Variants in PURA observed in about 807,000 individuals in gnomAD.
The protein encoded by PURA is transcriptional activator protein Pur-alpha.
In PURA, 2 loss-of-function variants were observed where a neutral mutation model predicts 23.1. That is an observed-to-expected ratio of 0.09 (90% CI 0.04 to 0.27). The LOEUF (loss-of-function observed/expected upper bound fraction) is 0.27, where lower values mean the gene tolerates loss of function less well. PURA is among the 10% of genes least tolerant of loss of function. The pLI is 1.00. For missense variants in PURA, 187 were observed against 449.7 expected, an observed-to-expected ratio of 0.42 and a Z score of 5.28; for synonymous variants, 254 against 205.9, an observed-to-expected ratio of 1.23 and a Z score of -2.00.
In PURA at chr5:140,114,246, G is replaced by A. The variant is rs2126748571; in HGVS notation, c.65G>A (p.Gly22Glu). 1 of 1,191,918 alleles carries A rather than the reference G, an allele frequency of 8.4e-7. No homozygotes were observed. The highest frequency in any genetic ancestry group is 4.2e-5 in the South Asian group (1 of 24,082). 73.8% of individuals were successfully genotyped at this position (1,191,918 alleles called of 1,614,324 possible). ...GCGCTGGGTTCGGGCGGCTCCCTGG[G>A]GCACCCCGGCTCGGGCTCAGGCTCC... The part of the protein sequence containing the change: ...GAALGSGGSL[G>E]HPGSGSGSGG... Residue 22 changes from glycine (G) to glutamate (E), a missense_variant, in exon 1 of 1, where the codon GGG becomes GAG. Gly to Glu is a moderately conservative substitution (Grantham distance 98). Around this residue, in one of 9 missense-constraint regions of PURA, gnomAD observed 33 missense variants for 30.4 expected, o/e 1.08. Transcript: ENST00000331327.
At position 140,120,872 on chromosome 5, in the gene PURA, C is replaced by T. The variant is rs1312837430; in HGVS notation, c.*5722C>T. ...TACTCATTCATTTTTATTTTGTCCC[C>T]ACGTTTGGTATTTGTTTTGTTTTGT... On this transcript the variant is annotated 3_prime_UTR_variant, in exon 1 of 1. Coordinates refer to ENST00000331327, the MANE Select transcript of PURA (RefSeq NM_005859.5). The T allele has an allele frequency of 6.0e-6, 1 of 166,482 alleles. No individual in the cohort carries two copies. Among genetic ancestry groups the T allele is most frequent in the Non-Finnish European group, 1.5e-5 (1 of 67,912 alleles). 10.3% of individuals were successfully genotyped at this position (166,482 alleles called of 1,614,324 possible). A position where few individuals can be genotyped will look rare whatever the true frequency, so the allele number is the denominator to read the frequency against.
At position 140,115,226 on chromosome 5, in the gene PURA, T is replaced by C; in HGVS notation, c.*76T>C. On this transcript the variant is annotated 3_prime_UTR_variant, in exon 1 of 1. Coordinates refer to ENST00000331327, the MANE Select transcript of PURA (RefSeq NM_005859.5). This position sits in a 1 kb window ranked among gnomAD's most constrained non-coding sequence, Gnocchi z 4.1. ...ACAGCCACACACACAGAAAATATACTGTAAAGAAAGAGAGAAAATAAAAAG... is the reference window on the plus strand; with the variant it reads ...ACAGCCACACACACAGAAAATATACCGTAAAGAAAGAGAGAAAATAAAAAG... The C allele has an allele frequency of 2.3e-6, 2 of 885,714 alleles. No homozygotes were observed. The highest frequency in any genetic ancestry group is 1.8e-5 in the African/African-American group (1 of 55,932). The allele number at this position is 885,714 out of a possible 1,614,324, so 54.9% of individuals were successfully genotyped here. A position where few individuals can be genotyped will look rare whatever the true frequency, so the allele number is the denominator to read the frequency against.
rs1581036542 is a variant in PURA at position 140,114,796 on chromosome 5, C to T, written c.615C>T (p.Leu205=). The change falls in exon 1 of 1, where the codon CTC becomes CTT. Residue 205 remains leucine (L), a synonymous_variant. Coordinates refer to ENST00000331327, the MANE Select transcript of PURA (RefSeq NM_005859.5). ...LIEFRDALAK[L]IDDYGVEEEP... Reference sequence around the variant, plus strand: ...AGTTCCGTGACGCTCTGGCCAAGCTCATCGACGACTACGGAGTGGAGGAGG... The same window carrying T: ...AGTTCCGTGACGCTCTGGCCAAGCTTATCGACGACTACGGAGTGGAGGAGG... 2 of 1,613,918 alleles carry T rather than the reference C, an allele frequency of 1.2e-6. No homozygotes were observed. Among genetic ancestry groups the T allele is most frequent in the South Asian group, 1.1e-5 (1 of 91,064 alleles).
chr5:140,120,890 T>G lies in PURA; in HGVS notation c.*5740T>G, dbSNP rs924639292. On this transcript the variant is annotated 3_prime_UTR_variant, in exon 1 of 1. Coordinates refer to ENST00000331327, the MANE Select transcript of PURA (RefSeq NM_005859.5). ...TTGTCCCCACGTTTGGTATTTGTTT[T>G]GTTTTGTGTTTTTCCTTCCTGATGT... 1 of 166,688 alleles carries G rather than the reference T, an allele frequency of 6.0e-6. No homozygotes were observed. The highest frequency in any genetic ancestry group is 1.5e-5 in the Non-Finnish European group (1 of 67,986). The allele number at this position is 166,688 out of a possible 1,614,324, so 10.3% of individuals were successfully genotyped here.
chr5:140,116,143 A>G lies in PURA; in HGVS notation c.*993A>G, dbSNP rs1253914140. The G allele has an allele frequency of 1.2e-5, 2 of 167,100 alleles. No individual in the cohort carries two copies. The highest frequency in any genetic ancestry group is 2.9e-5 in the Non-Finnish European group (2 of 68,112). The allele number at this position is 167,100 out of a possible 1,614,324, so 10.4% of individuals were successfully genotyped here. On this transcript the variant is annotated 3_prime_UTR_variant, in exon 1 of 1. Transcript: ENST00000331327. ...GAGATGTACTTGTATCGTTCATAAT[A>G]TATTTTTTTTATTATGTGTAGAAAG... is the stretch of plus-strand genomic sequence containing the variant.
Position 140,118,308 on chromosome 5 carries a change from A to G in PURA, c.*3158A>G, listed in dbSNP as rs1209668737. On this transcript the variant is annotated 3_prime_UTR_variant, in exon 1 of 1. Transcript: ENST00000331327. ...AAAAGAAAACTTGAACTGCATTGCA[A>G]TATTGACGTTCTTTAAAATGAGAGA... 1 of 167,092 alleles carries G rather than the reference A, an allele frequency of 6.0e-6. No individual in the cohort carries two copies. Among genetic ancestry groups the G allele is most frequent in the Non-Finnish European group, 1.5e-5 (1 of 68,102 alleles). 10.4% of individuals were successfully genotyped at this position (167,092 alleles called of 1,614,324 possible). A position where few individuals can be genotyped will look rare whatever the true frequency, so the allele number is the denominator to read the frequency against.
In PURA at chr5:140,114,802, C is replaced by T. The variant is rs142688247; in HGVS notation, c.621C>T (p.Asp207=). 2.6e-4 allele frequency: 426 copies of T among 1,613,858 alleles called. No homozygotes were observed. Among genetic ancestry groups the T allele is most frequent in the Non-Finnish European group, 3.3e-4 (392 of 1,179,914 alleles). Residue 207 remains aspartate, a synonymous_variant, in exon 1 of 1, where the codon GAC becomes GAT. Transcript: ENST00000331327. The stretch of plus-strand genomic sequence containing the variant: ...GTGACGCTCTGGCCAAGCTCATCGA[C>T]GACTACGGAGTGGAGGAGGAGCCGG... ...EFRDALAKLI[D]DYGVEEEPAE... is the part of the protein sequence containing the mutation.
Position 140,121,509 on chromosome 5 carries a change from A to T in PURA, c.*6359A>T, listed in dbSNP as rs1490966565. ...CTTGACCTACCTCCTTACCATGTAC[A>T]TCTGGCATCTTCTCTCTCCTATCCT... On this transcript the variant is annotated 3_prime_UTR_variant, in exon 1 of 1. Coordinates refer to ENST00000331327, the MANE Select transcript of PURA (RefSeq NM_005859.5). 2 of 166,816 alleles carry T rather than the reference A, an allele frequency of 1.2e-5. No individual in the cohort carries two copies. The allele number at this position is 166,816 out of a possible 1,614,324, so 10.3% of individuals were successfully genotyped here. A position where few individuals can be genotyped will look rare whatever the true frequency, so the allele number is the denominator to read the frequency against.
chr5:140,122,524 C>T lies in PURA; in HGVS notation c.*7374C>T, dbSNP rs1176124086. The T allele has an allele frequency of 3.0e-5, 5 of 166,706 alleles. No homozygotes were observed. The highest frequency in any genetic ancestry group is 7.4e-5 in the Non-Finnish European group (5 of 67,950). The allele number at this position is 166,706 out of a possible 1,614,324, so 10.3% of individuals were successfully genotyped here. On this transcript the variant is annotated 3_prime_UTR_variant, in exon 1 of 1. Coordinates refer to ENST00000331327, the MANE Select transcript of PURA (RefSeq NM_005859.5). Reference sequence around the variant, plus strand: ...TTTTTATTTCTTTTACATTTGCATCCGTAGCAACCATTTAACCTTGTAGAC... The same window carrying T: ...TTTTTATTTCTTTTACATTTGCATCTGTAGCAACCATTTAACCTTGTAGAC...
rs1211990490 is a variant in PURA at position 140,119,873 on chromosome 5, TAC to T, written c.*4731_*4732del. ...CCCACTCATTTTTTCAGGTTATATA[TAC>T]ACACACATTTCCAGATAATTTTAGA... On this transcript the variant is annotated 3_prime_UTR_variant, in exon 1 of 1. Transcript: ENST00000331327. 6.0e-6 allele frequency: 1 copy of T among 166,668 alleles called. No homozygotes were observed. Among genetic ancestry groups the T allele is most frequent in the African/African-American group, 2.4e-5 (1 of 41,460 alleles). 10.3% of individuals were successfully genotyped at this position (166,668 alleles called of 1,614,324 possible). A position where few individuals can be genotyped will look rare whatever the true frequency, so the allele number is the denominator to read the frequency against.
Position 140,115,176 on chromosome 5 carries a change from C to A in PURA, c.*26C>A. ...TCAAACTGAATGAAACCCCCACACACACACACATGCATACACACACACACA... is the reference window on the plus strand; with the variant it reads ...TCAAACTGAATGAAACCCCCACACAAACACACATGCATACACACACACACA... On this transcript the variant is annotated 3_prime_UTR_variant, in exon 1 of 1. Coordinates refer to ENST00000331327, the MANE Select transcript of PURA (RefSeq NM_005859.5). The surrounding 1 kb of genome is among the most constrained non-coding windows in gnomAD (Gnocchi z 4.1). The A allele has an allele frequency of 7.5e-7, 1 of 1,324,684 alleles. No homozygotes were observed. The highest frequency in any genetic ancestry group is 1.0e-6 in the Non-Finnish European group (1 of 968,092). The allele number at this position is 1,324,684 out of a possible 1,614,324, so 82.1% of individuals were successfully genotyped here.
In PURA at chr5:140,120,200, A is replaced by C. The variant is rs1209877374; in HGVS notation, c.*5050A>C. On this transcript the variant is annotated 3_prime_UTR_variant, in exon 1 of 1. Transcript: ENST00000331327. ...TTGAATATCTTCATAATTTGGAGAGAGATGTATACACACACATACACATAT... is the reference window on the plus strand; with the variant it reads ...TTGAATATCTTCATAATTTGGAGAGCGATGTATACACACACATACACATAT... 1 of 166,732 alleles carries C rather than the reference A, an allele frequency of 6.0e-6. No individual in the cohort carries two copies. Among genetic ancestry groups the C allele is most frequent in the Non-Finnish European group, 1.5e-5 (1 of 67,916 alleles). 10.3% of individuals were successfully genotyped at this position (166,732 alleles called of 1,614,324 possible).
chr5:140,122,004 A>G lies in PURA; in HGVS notation c.*6854A>G, dbSNP rs940639359. On this transcript the variant is annotated 3_prime_UTR_variant, in exon 1 of 1. Transcript: ENST00000331327. Reference sequence around the variant, plus strand: ...ATGAGAGTTATTTGCTAAGGAAATGAAGTTGATCTTCACTAAGGAAGTTTC... The same window carrying G: ...ATGAGAGTTATTTGCTAAGGAAATGGAGTTGATCTTCACTAAGGAAGTTTC... 6.0e-6 allele frequency: 1 copy of G among 166,858 alleles called. No homozygotes were observed. The highest frequency in any genetic ancestry group is 1.5e-5 in the Non-Finnish European group (1 of 68,012). The allele number at this position is 166,858 out of a possible 1,614,324, so 10.3% of individuals were successfully genotyped here.
Position 140,118,544 on chromosome 5 carries a change from CATT to C in PURA, c.*3397_*3399del, listed in dbSNP as rs1430091239. The C allele has an allele frequency of 6.0e-6, 1 of 166,882 alleles. No individual in the cohort carries two copies. Among genetic ancestry groups the C allele is most frequent in the African/African-American group, 2.4e-5 (1 of 41,380 alleles). 10.3% of individuals were successfully genotyped at this position (166,882 alleles called of 1,614,324 possible). ...GTTAACTAACCAGAACTGTAGAAAT[CATT>C]ATACATGCCTTTGACAACAAAGGAA... On this transcript the variant is annotated 3_prime_UTR_variant, in exon 1 of 1. Coordinates refer to ENST00000331327, the MANE Select transcript of PURA (RefSeq NM_005859.5).
In PURA at chr5:140,115,117, A is replaced by G. The variant is rs1763058985; in HGVS notation, c.936A>G (p.Leu312=). 2 of 1,597,516 alleles carry G rather than the reference A, an allele frequency of 1.3e-6. No homozygotes were observed. Among genetic ancestry groups the G allele is most frequent in the Non-Finnish European group, 1.7e-6 (2 of 1,171,818 alleles). ...AGGAGACCGCCGCTGCCACCCTGCTACTGCAGGGTGAGGAAGAAGGGGAAG... is the reference window on the plus strand; with the variant it reads ...AGGAGACCGCCGCTGCCACCCTGCTGCTGCAGGGTGAGGAAGAAGGGGAAG... ...QQEETAAATL[L]LQGEEEGEED The change falls in exon 1 of 1, where the codon CTA becomes CTG. Residue 312 remains leucine, a synonymous_variant. Coordinates refer to ENST00000331327, the MANE Select transcript of PURA (RefSeq NM_005859.5). This position sits in a 1 kb window ranked among gnomAD's most constrained non-coding sequence, Gnocchi z 4.1.
rs1482017486 is a variant in PURA at position 140,116,570 on chromosome 5, G to A, written c.*1420G>A. ...GTATGAAAATGCAAAGTTTAGGAGA[G>A]CACTTTACCAAGCTGGTGTCCTCCA... is the stretch of plus-strand genomic sequence containing the variant. On this transcript the variant is annotated 3_prime_UTR_variant, in exon 1 of 1. Transcript: ENST00000331327. The A allele has an allele frequency of 1.2e-5, 2 of 165,140 alleles. No individual in the cohort carries two copies. Among genetic ancestry groups the A allele is most frequent in the Non-Finnish European group, 3.0e-5 (2 of 67,354 alleles). 10.2% of individuals were successfully genotyped at this position (165,140 alleles called of 1,614,324 possible).
chr5:140,114,578 G>T lies in PURA; in HGVS notation c.397G>T (p.Ala133Ser). Residue 133 changes from alanine to serine, a missense_variant, in exon 1 of 1, where the codon GCC (alanine) becomes TCC (serine). This residue lies in a region of PURA where 26 missense variants were observed against 29.1 expected (regional missense o/e 0.89). Coordinates refer to ENST00000331327, the MANE Select transcript of PURA (RefSeq NM_005859.5). The stretch of plus-strand genomic sequence containing the variant: ...GGGCCCCAGCCAGCCGCCGGACCTG[G>T]CCCAGGCGCAGGACGAGCCGCGCCG... ...QLGPSQPPDL[A>S]QAQDEPRRAL... is the part of the protein sequence containing the mutation. 1 of 1,603,020 alleles carries T rather than the reference G, an allele frequency of 6.2e-7. No individual in the cohort carries two copies. The highest frequency in any genetic ancestry group is 8.5e-7 in the Non-Finnish European group (1 of 1,176,760).
chr5:140,114,862 C>T lies in PURA; in HGVS notation c.681C>T (p.Asp227=). 1 of 1,614,186 alleles carries T rather than the reference C, an allele frequency of 6.2e-7. No homozygotes were observed. The highest frequency in any genetic ancestry group is 8.5e-7 in the Non-Finnish European group (1 of 1,180,028). ...CCGAGGGCACCTCCTTGACTGTGGA[C>T]AACAAGCGCTTCTTCTTCGATGTGG... The part of the protein sequence containing the change: ...ELPEGTSLTV[D]NKRFFFDVGS... The change falls in exon 1 of 1, where the codon GAC becomes GAT. Residue 227 remains aspartate (D), a synonymous_variant. Transcript: ENST00000331327.
At position 140,121,334 on chromosome 5, in the gene PURA, T is replaced by C. The variant is rs570516628; in HGVS notation, c.*6184T>C. The C allele has an allele frequency of 8.6e-4, 143 of 167,050 alleles. No homozygotes were observed. The highest frequency in any genetic ancestry group is 3.3e-3 in the African/African-American group (139 of 41,554). 10.3% of individuals were successfully genotyped at this position (167,050 alleles called of 1,614,324 possible). ...TATCGTGAAGTGGCAGTTAAAGTTA[T>C]GGGACAGGTGAATTACCTATTCATC... On this transcript the variant is annotated 3_prime_UTR_variant, in exon 1 of 1. Coordinates refer to ENST00000331327, the MANE Select transcript of PURA (RefSeq NM_005859.5).
Sources: allele counts gnomAD v4.1 joint callset, GRCh38; gene constraint gnomAD v4.1.1; regional missense constraint gnomAD v4.1.1; non-coding constraint Gnocchi (gnomAD v3.1); transcripts MANE v1.5; gene names NCBI Gene and HGNC (gene_info 2026-07-23, HGNC 2026-07-21).